TENM4: variants seen among roughly 807,000 people sequenced by gnomAD.
The protein encoded by TENM4 is teneurin-4.
TENM4 carries 82 observed loss-of-function variants against 243.3 expected under a neutral mutation model. The ratio of observed to expected loss-of-function variants is 0.34; its 90% CI spans 0.28 to 0.40. The LOEUF (loss-of-function observed/expected upper bound fraction) is 0.40. Among genes scored for constraint, TENM4 ranks in the 10% least tolerant of loss-of-function variants. The pLI is 1.00. For synonymous variants in TENM4, 1,412 were observed against 1,456.3 expected (o/e 0.97, Z 0.69); for missense variants, 3,138 against 3,673.3 (o/e 0.85, Z 3.77).
At chr11:78,897,855 G>A (rs988039858) in intron 7 of TENM4, among the ~76,000 whole-genome samples, 2 of 152,210 alleles carry the variant, frequency 1.3e-5, no homozygotes, top group Non-Finnish European at 2.9e-5. Flanking sequence ...CCCCATCCCT[G>A]AGGGTGGGCA....
At chr11:79,342,563 C>T (rs938180310) in intron 1 of TENM4, among the ~76,000 whole-genome samples, 6 of 152,174 alleles carry the variant, frequency 3.9e-5, no homozygotes, top group Non-Finnish European at 7.3e-5. Flanking sequence ...CAAGGGGCTC[C>T]AAACCCATCA....
chr11:79,205,697 T>C (rs1373260034), intron 3 of TENM4, among the ~76,000 whole-genome samples: 2 of 152,230 alleles, frequency 1.3e-5, no homozygotes, highest in African/African-American at 4.8e-5. Flanking sequence ...TGGACCACAG[T>C]TCACTGTTCA....
intron 6 of TENM4, among the ~76,000 whole-genome samples, chr11:78,941,610 G>A (rs1233290273): frequency 1.3e-5 from 2 of 152,216 alleles, no homozygotes; most frequent in African/African-American, 2.4e-5. Flanking sequence ...GTGGGGTTGG[G>A]GGGGTGTCCC....
intron 2 of TENM4, among the ~76,000 whole-genome samples, chr11:79,233,845 T>A (rs561679919): frequency 6.6e-6 from 1 of 152,328 alleles, no homozygotes; most frequent in African/African-American, 2.4e-5. Context: ...GGCTTAGCCA[T>A]GGTCTGGATC....
intron 2 of TENM4, among the ~76,000 whole-genome samples, chr11:79,224,805 G>T (rs1467820771): frequency 2.0e-5 from 3 of 152,154 alleles, no homozygotes; most frequent in Non-Finnish European, 2.9e-5. Context: ...ATAAAAATTA[G>T]TCCGGCATGG....
intron 25 of TENM4, among the ~76,000 whole-genome samples, chr11:78,716,476 G>A (rs563162327): frequency 6.6e-6 from 1 of 152,294 alleles, no homozygotes; most frequent in African/African-American, 2.4e-5. Context: ...CAGTCTCTGC[G>A]GCTTTGAACT....
intron 3 of TENM4, among the ~76,000 whole-genome samples, chr11:79,192,319 T>C (rs1297951857): frequency 6.6e-6 from 1 of 152,202 alleles, no homozygotes. Flanking sequence ...TTTTCTGGAA[T>C]ACAAAAGGGG....
chr11:78,906,590 G>T (rs4143855), intron 6 of TENM4, among the ~76,000 whole-genome samples: 2 of 152,006 alleles, frequency 1.3e-5, no homozygotes, highest in Admixed American at 6.5e-5. Flanking sequence ...CTCCTATGGG[G>T]ACAAGGAATG....
At chr11:78,893,810 T>A (rs1307506129) in intron 7 of TENM4, among the ~76,000 whole-genome samples, 1 of 70,304 alleles carries the variant, frequency 1.4e-5, no homozygotes, top group Non-Finnish European at 2.7e-5. Context: ...CTCCTCTCTT[T>A]CTCTCTCTCT....
intron 1 of TENM4, among the ~76,000 whole-genome samples, chr11:79,307,557 A>C (rs544396935): frequency 1.3e-3 from 191 of 152,204 alleles, no homozygotes; most frequent in African/African-American, 4.5e-3. Flanking sequence ...GAGCTTCCAC[A>C]ATGGCCTCCC....
At chr11:78,856,981 A>T (rs1256844468) in intron 10 of TENM4, among the ~76,000 whole-genome samples, 2 of 152,132 alleles carry the variant, frequency 1.3e-5, no homozygotes, top group African/African-American at 2.4e-5. Flanking sequence ...TTCTATACTG[A>T]TTAGGAGGGT....
At chr11:79,122,617 AC>A (rs1359460830) in intron 4 of TENM4, among the ~76,000 whole-genome samples, 1 of 152,136 alleles carries the variant, frequency 6.6e-6, no homozygotes, top group Non-Finnish European at 1.5e-5. Flanking sequence ...CTACCAAAAA[AC>A]GATACCCAGG....
chr11:78,670,618 C>G, intron 31 of TENM4, 67 bp from the exon 32 acceptor site: 1 of 1,453,086 alleles, frequency 6.9e-7, no homozygotes, highest in Non-Finnish European at 9.3e-7. Flanking sequence ...TCTACATACC[C>G]GAGACTTAAA....
intron 6 of TENM4, among the ~76,000 whole-genome samples, chr11:78,979,193 C>T (rs1857734811): frequency 6.6e-6 from 1 of 152,170 alleles, no homozygotes; most frequent in South Asian, 2.1e-4. Context: ...GAAGGCCAAG[C>T]ATCCCTCTGG....
intron 19 of TENM4, among the ~76,000 whole-genome samples, chr11:78,744,936 G>C (rs756610652): frequency 2.3e-4 from 35 of 152,172 alleles, no homozygotes; most frequent in Admixed American, 4.6e-4. Context: ...CTCATAGCGA[G>C]GTTGAGGAAA....
chr11:79,128,117 G>C (rs1399986095), intron 4 of TENM4, among the ~76,000 whole-genome samples: 1 of 152,234 alleles, frequency 6.6e-6, no homozygotes, highest in Non-Finnish European at 1.5e-5. Flanking sequence ...AATGGTGCTT[G>C]AGGTGTCAGT....
At chr11:78,780,492 A>AT (rs200249888) in intron 16 of TENM4, among the ~76,000 whole-genome samples, 26 of 151,788 alleles carry the variant, frequency 1.7e-4, no homozygotes, top group African/African-American at 4.8e-4. Flanking sequence ...GTGAGCCTAG[A>AT]TTTTTTTTTC....
chr11:78,918,194 T>C (rs1446910986), intron 6 of TENM4, among the ~76,000 whole-genome samples: 1 of 152,170 alleles, frequency 6.6e-6, no homozygotes, highest in Non-Finnish European at 1.5e-5. Flanking sequence ...GTACTATTAT[T>C]AGTATTTAAG....
chr11:79,039,093 C>A (rs1173984811), intron 6 of TENM4, among the ~76,000 whole-genome samples: 1 of 152,230 alleles, frequency 6.6e-6, no homozygotes, highest in Non-Finnish European at 1.5e-5. Flanking sequence ...AGAAAGTTCT[C>A]TTGGAACTTG....
Sources: gnomAD v4.1 joint callset for allele counts (sites outside exome capture counted in the v4.1 genomes callset) on GRCh38, gnomAD v4.1.1 for gene constraint, MANE v1.5 for transcripts, NCBI Gene and HGNC (gene_info 2026-07-23, HGNC 2026-07-21) for gene names.